NTM: variants seen among roughly 807,000 people sequenced by gnomAD.
NTM encodes the protein neurotrimin, also known as IgLON family member 2.
NTM carries 13 observed loss-of-function variants against 42.1 expected under a neutral mutation model. The observed-to-expected ratio is 0.31, with a 90% CI of 0.20 to 0.49. The LOEUF (loss-of-function observed/expected upper bound fraction) is 0.49, where lower values mean the gene tolerates loss of function less well. Among genes scored for constraint, NTM ranks in the 20% least tolerant of loss-of-function variants. The pLI is 0.99. For synonymous variants in NTM, 187 were observed against 179.2 expected (o/e 1.04, Z -0.35); for missense variants, 373 against 452.8 (o/e 0.82, Z 1.60).
At chr11:132,270,092 G>C (rs958226891) in intron 4 of NTM, among the ~76,000 whole-genome samples, 1 of 152,026 alleles carries the variant, frequency 6.6e-6, no homozygotes, top group Non-Finnish European at 1.5e-5. Flanking sequence ...TATAACTACG[G>C]ATAGCGTTTT....
chr11:132,112,096 C>A (rs2063289056), intron 2 of NTM, among the ~76,000 whole-genome samples: 1 of 152,150 alleles, frequency 6.6e-6, no homozygotes, highest in Non-Finnish European at 1.5e-5. Context: ...AGCTATATTT[C>A]CCCATCTCTC....
chr11:131,874,029 TA>T (rs1387895231), intron 1 of NTM, among the ~76,000 whole-genome samples: 1 of 50,944 alleles, frequency 2.0e-5, no homozygotes, highest in Non-Finnish European at 4.3e-5. Flanking sequence ...TAATATAATA[TA>T]ATATATATAT....
intron 2 of NTM, among the ~76,000 whole-genome samples, chr11:131,917,891 G>A (rs1466831587): frequency 1.3e-5 from 2 of 152,122 alleles, no homozygotes; most frequent in Admixed American, 1.3e-4. Context: ...AACTAAAATG[G>A]GAAAACTAAA....
chr11:131,884,503 G>A (rs1026615521), intron 1 of NTM, among the ~76,000 whole-genome samples: 14 of 152,216 alleles, frequency 9.2e-5, no homozygotes, highest in Non-Finnish European at 1.3e-4. Context: ...ATAGGGCAGA[G>A]CTGAGGTTTG....
chr11:131,898,327 A>T (rs1443182505), intron 1 of NTM, among the ~76,000 whole-genome samples: 1 of 152,176 alleles, frequency 6.6e-6, no homozygotes. Context: ...TTTGTGGAAA[A>T]ACATTGAGAC....
intron 1 of NTM, among the ~76,000 whole-genome samples, chr11:131,524,544 T>C (rs868598132): frequency 1.3e-5 from 2 of 152,212 alleles, no homozygotes; most frequent in Admixed American, 1.3e-4. Context: ...AAGAACAGTT[T>C]TGAAGTAGAA....
At chr11:131,941,539 G>A (rs1234023636) in intron 2 of NTM, among the ~76,000 whole-genome samples, 1 of 152,124 alleles carries the variant, frequency 6.6e-6, no homozygotes, top group East Asian at 1.9e-4. Flanking sequence ...CTCTCCCCTG[G>A]AACTTTAAGC....
At chr11:131,695,049 G>A (rs926047502) in intron 1 of NTM, among the ~76,000 whole-genome samples, 1 of 152,186 alleles carries the variant, frequency 6.6e-6, no homozygotes, top group Non-Finnish European at 1.5e-5. Context: ...CCGCCGCCGG[G>A]AGGGTGCAGG....
chr11:132,055,191 A>G (rs886846936), intron 2 of NTM, among the ~76,000 whole-genome samples: 7 of 152,154 alleles, frequency 4.6e-5, no homozygotes, highest in Non-Finnish European at 8.8e-5. Flanking sequence ...TTCTCACTTG[A>G]ACACCTTTTA....
chr11:132,276,940 C>A (rs2093749749), intron 4 of NTM, among the ~76,000 whole-genome samples: 1 of 152,132 alleles, frequency 6.6e-6, no homozygotes, highest in Non-Finnish European at 1.5e-5. Flanking sequence ...AGATAGTTGG[C>A]TTATTCTATT....
chr11:131,586,286 G>T (rs1265599307), intron 1 of NTM, among the ~76,000 whole-genome samples: 1 of 152,004 alleles, frequency 6.6e-6, no homozygotes, highest in Non-Finnish European at 1.5e-5. Context: ...AGCCTCATGT[G>T]ATCCTCTCCT....
At chr11:131,917,319 CT>C (rs1275267316) in intron 2 of NTM, among the ~76,000 whole-genome samples, 1 of 152,218 alleles carries the variant, frequency 6.6e-6, no homozygotes, top group Admixed American at 6.5e-5. Flanking sequence ...GGGCATGTTA[CT>C]TCCTCAGTGT....
chr11:131,670,666 GAGGGCT>G (rs576358134), intron 1 of NTM, among the ~76,000 whole-genome samples: 9 of 152,230 alleles, frequency 5.9e-5, no homozygotes, highest in African/African-American at 2.2e-4. Flanking sequence ...CCTGACAGTC[GAGGGCT>G]AGGACTACTG....
At chr11:131,636,167 CAGA>C (rs2064349505) in intron 1 of NTM, among the ~76,000 whole-genome samples, 1 of 152,154 alleles carries the variant, frequency 6.6e-6, no homozygotes, top group Admixed American at 6.5e-5. Context: ...GTAGGAGAAT[CAGA>C]AGGAGACACA....
At chr11:132,023,928 C>G (rs898249135) in intron 2 of NTM, among the ~76,000 whole-genome samples, 1 of 151,984 alleles carries the variant, frequency 6.6e-6, no homozygotes, top group Non-Finnish European at 1.5e-5. Context: ...AAGCAATTCT[C>G]CTGCCTCAGC....
rs148019085 is a variant in NTM, at chr11:131,546,099, A to G, written c.82+175211A>G. Among the ~76,000 whole-genome samples the G allele has an allele frequency of 3.5e-3, 534 of 152,276 alleles. 7 individuals carry two copies. Among genetic ancestry groups the G allele is most frequent in the African/African-American group, 0.012 (502 of 41,544 alleles). On this transcript the variant is annotated intron_variant, in intron 1 of 8. Coordinates refer to ENST00000683400, the MANE Select transcript of NTM (RefSeq NM_001352005.2). ...AGAAACACTAATAATTTATAGCCTC[A>G]TGCACCATGTTCCAGTGTCAGGTCT...
At chr11:131,724,471 A>G (rs1261661488) in intron 1 of NTM, among the ~76,000 whole-genome samples, 1 of 152,164 alleles carries the variant, frequency 6.6e-6, no homozygotes, top group African/African-American at 2.4e-5. Context: ...TTCTTTAAAG[A>G]ACACAATGTG....
At chr11:131,979,936 A>G (rs1041675597) in intron 2 of NTM, among the ~76,000 whole-genome samples, 1 of 152,214 alleles carries the variant, frequency 6.6e-6, no homozygotes, top group Non-Finnish European at 1.5e-5. Context: ...CATATTAATT[A>G]ATATAGATAG....
chr11:132,276,759 G>A (rs1028872964), intron 4 of NTM, among the ~76,000 whole-genome samples: 3 of 152,070 alleles, frequency 2.0e-5, no homozygotes, highest in African/African-American at 7.2e-5. Flanking sequence ...GAGGGAAAGA[G>A]CATAGAGAAG....
Sources: gnomAD v4.1 joint callset for allele counts (sites outside exome capture counted in the v4.1 genomes callset) on GRCh38, gnomAD v4.1.1 for gene constraint, MANE v1.5 for transcripts, NCBI Gene and HGNC (gene_info 2026-07-23, HGNC 2026-07-21) for gene names.